Variants in ARK2N observed in about 807,000 individuals in gnomAD.
ARK2N encodes the protein protein ARK2N.
the ARK2N span, chr18:46,217,259 T>C: frequency 6.6e-6 from 1 of 152,304 alleles, no homozygotes; most frequent in Non-Finnish European, 1.5e-5. Context: ...CTGTAACTTA[T>C]TACATATTTG....
At chr18:46,181,027 C>T in the ARK2N span, among the ~76,000 whole-genome samples, 4 of 151,154 alleles carry the variant, frequency 2.6e-5, no homozygotes, top group East Asian at 2.0e-4. Context: ...TTTGGGAAGC[C>T]GAGGCAGGTG....
chr18:46,259,813 T>TGTGTGTGTG, the ARK2N span, among the ~76,000 whole-genome samples: 46 of 145,264 alleles, frequency 3.2e-4, 1 homozygote, highest in Non-Finnish European at 3.9e-4. Flanking sequence ...TGTGTGTGTG[T>TGTGTGTGTG]TTGACAGAGA....
chr18:46,177,723 G>A, the ARK2N span, among the ~76,000 whole-genome samples: 4 of 152,026 alleles, frequency 2.6e-5, no homozygotes, highest in African/African-American at 7.2e-5. Flanking sequence ...CACCGTGCCC[G>A]GCCTTGAGAG....
the ARK2N span, among the ~76,000 whole-genome samples, chr18:46,194,892 C>T: frequency 6.7e-6 from 1 of 149,790 alleles, no homozygotes; most frequent in Non-Finnish European, 1.5e-5. Flanking sequence ...CAACCTCCAC[C>T]TCCTGTGTTC....
the ARK2N span, among the ~76,000 whole-genome samples, chr18:46,191,460 G>A: frequency 2.0e-5 from 3 of 151,896 alleles, no homozygotes; most frequent in Admixed American, 2.0e-4. Flanking sequence ...GGGATTACAG[G>A]CATGAGCCAC....
chr18:46,248,379 T>A, the ARK2N span, among the ~76,000 whole-genome samples: 1 of 152,094 alleles, frequency 6.6e-6, no homozygotes, highest in Non-Finnish European at 1.5e-5. Flanking sequence ...GGGTGAGCAG[T>A]GGGTGGCTGG....
At chr18:46,184,987 G>T in the ARK2N span, among the ~76,000 whole-genome samples, 2 of 152,226 alleles carry the variant, frequency 1.3e-5, no homozygotes, top group Non-Finnish European at 1.5e-5. Flanking sequence ...GCTATTAGCA[G>T]TTGAGTCAGT....
At chr18:46,176,580 A>T in the ARK2N span, among the ~76,000 whole-genome samples, 5 of 151,792 alleles carry the variant, frequency 3.3e-5, no homozygotes, top group African/African-American at 1.2e-4. Flanking sequence ...TCAGCCTCCG[A>T]AGTAGCTGAG....
At chr18:46,199,157 A>G in the ARK2N span, among the ~76,000 whole-genome samples, 3 of 152,148 alleles carry the variant, frequency 2.0e-5, no homozygotes, top group Non-Finnish European at 4.4e-5. Flanking sequence ...CTCAGTCAAT[A>G]TTTAAGACCT....
the ARK2N span, among the ~76,000 whole-genome samples, chr18:46,239,429 A>G: frequency 6.6e-6 from 1 of 152,238 alleles, no homozygotes; most frequent in Non-Finnish European, 1.5e-5. Flanking sequence ...ACAGAATGTC[A>G]TAAAGTGTAT....
chr18:46,180,128 G>A, the ARK2N span, among the ~76,000 whole-genome samples: 1 of 152,174 alleles, frequency 6.6e-6, no homozygotes, highest in African/African-American at 2.4e-5. Flanking sequence ...AGTGTTTTAA[G>A]TTTTGTTTCT....
chr18:46,237,381 C>T, the ARK2N span, among the ~76,000 whole-genome samples: 1 of 135,450 alleles, frequency 7.4e-6, no homozygotes, highest in African/African-American at 2.6e-5. Flanking sequence ...AATCCTGAGG[C>T]CAAGTGCTTT....
the ARK2N span, chr18:46,231,960 TGGCCA>T: frequency 6.6e-6 from 1 of 152,170 alleles, no homozygotes; most frequent in African/African-American, 2.4e-5. Flanking sequence ...TTCACCATGT[TGGCCA>T]GGCTGGTCTC....
the ARK2N span, chr18:46,217,873 G>T: frequency 6.6e-6 from 1 of 152,070 alleles, no homozygotes; most frequent in Non-Finnish European, 1.5e-5. Context: ...AAATGTATGA[G>T]AGAAACAGAC....
At chr18:46,183,522 T>C in the ARK2N span, among the ~76,000 whole-genome samples, 1 of 152,154 alleles carries the variant, frequency 6.6e-6, no homozygotes, top group Admixed American at 6.6e-5. Context: ...GTTGTGTTAA[T>C]TTGTTACTCA....
the ARK2N span, among the ~76,000 whole-genome samples, chr18:46,204,656 TATAAA>T: frequency 1.3e-5 from 2 of 152,368 alleles, no homozygotes; most frequent in African/African-American, 4.8e-5. Context: ...AGGTTGGTAA[TATAAA>T]ATAAATAGAT....
At chr18:46,207,384 T>C in the ARK2N span, among the ~76,000 whole-genome samples, 1 of 144,714 alleles carries the variant, frequency 6.9e-6, no homozygotes, top group Non-Finnish European at 1.5e-5. Context: ...ACTCAGTTTC[T>C]ATACTTTTTT....
At chr18:46,259,388 C>T in the ARK2N span, among the ~76,000 whole-genome samples, 1 of 151,400 alleles carries the variant, frequency 6.6e-6, no homozygotes, top group Non-Finnish European at 1.5e-5. Context: ...GGACTACAGG[C>T]GCATGCCACC....
chr18:46,195,973 C>T, the ARK2N span, among the ~76,000 whole-genome samples: 1 of 150,820 alleles, frequency 6.6e-6, no homozygotes, highest in African/African-American at 2.4e-5. Context: ...TCTGTGTTTA[C>T]TTTTTCTTTT....
Sources: allele counts gnomAD v4.1 joint callset (sites outside exome capture counted in the v4.1 genomes callset), GRCh38; gene constraint gnomAD v4.1.1; transcripts MANE v1.5; gene names NCBI Gene and HGNC (gene_info 2026-07-23, HGNC 2026-07-21).